The following CNIH3 variants were observed in gnomAD, a reference collection of about 807,000 sequenced individuals.
The protein encoded by CNIH3 is cornichon family AMPA receptor auxiliary protein 3.
CNIH3 carries 14 observed loss-of-function variants against 24.1 expected under a neutral mutation model. That is an observed-to-expected ratio of 0.58 (90% CI 0.38 to 0.91). The LOEUF (loss-of-function observed/expected upper bound fraction) is 0.91. Among genes scored for constraint, CNIH3 ranks in the 40% least tolerant of loss-of-function variants. The probability of loss-of-function intolerance (pLI) is 0.00; values close to 1 mark genes in which losing one functional copy is unlikely to be tolerated. For synonymous variants in CNIH3, 68 were observed against 73.8 expected (o/e 0.92, Z 0.40); for missense variants, 178 against 196.8 (o/e 0.90, Z 0.57).
chr1:224,578,569 T>C (rs190013856), intron 4 of CNIH3, among the ~76,000 whole-genome samples: 8 of 152,316 alleles, frequency 5.3e-5, no homozygotes, highest in African/African-American at 1.4e-4. Flanking sequence ...TGACTGGTAC[T>C]ATTATTTGGT....
intron 2 of CNIH3, among the ~76,000 whole-genome samples, chr1:224,544,067 G>T (rs550537388): frequency 1.5e-4 from 23 of 152,308 alleles, no homozygotes; most frequent in African/African-American, 4.8e-4. Context: ...GCTGTTAAGA[G>T]ATAAGAGGTT....
rs148990083 is a variant in CNIH3 at position 224,597,087 on chromosome 1, G to A, written n.402+30823G>A. 1.0e-3 allele frequency among the ~76,000 whole-genome samples: 154 copies of A among 152,200 alleles called. 1 individual carries two copies. The highest frequency in any genetic ancestry group is 3.6e-3 in the African/African-American group (151 of 41,538). ...GAATTTCTTGAACCCGAGAGGTGCA[G>A]GTTGCAGTGAGCCGAGACTGCACCA... On this transcript the variant is annotated intron_variant and non_coding_transcript_variant, in intron 3 of 7. Transcript: ENST00000478120.
intron 3 of CNIH3, chr1:224,565,552 G>C (rs563065488): frequency 2.0e-5 from 3 of 152,482 alleles, no homozygotes; most frequent in Admixed American, 2.0e-4. Context: ...CCCCATGCTT[G>C]CTCCCTGAGC....
At chr1:224,653,156 C>T (rs1190231228) in intron 1 of CNIH3, among the ~76,000 whole-genome samples, 1 of 152,214 alleles carries the variant, frequency 6.6e-6, no homozygotes, top group Non-Finnish European at 1.5e-5. Flanking sequence ...ACTGTAGTGG[C>T]TCATGCCTGT....
chr1:224,572,723 G>A (rs536014236), intron 4 of CNIH3, among the ~76,000 whole-genome samples: 4 of 151,002 alleles, frequency 2.6e-5, no homozygotes, highest in Admixed American at 2.6e-4. Flanking sequence ...GGGTAGTCTT[G>A]TCATCTTAAC....
At chr1:224,465,106 A>T (rs1676101534) in intron 1 of CNIH3, among the ~76,000 whole-genome samples, 1 of 148,458 alleles carries the variant, frequency 6.7e-6, no homozygotes, top group Non-Finnish European at 1.5e-5. Flanking sequence ...GATAGTTAGA[A>T]TTATCTTTTT....
intron 3 of CNIH3, among the ~76,000 whole-genome samples, chr1:224,698,345 A>G (rs936512864): frequency 2.0e-5 from 3 of 152,256 alleles, no homozygotes; most frequent in African/African-American, 7.2e-5. Context: ...ATTATAGCAC[A>G]AGGAGGTAGG....
intron 3 of CNIH3, among the ~76,000 whole-genome samples, chr1:224,560,925 T>C (rs1359166892): frequency 2.0e-5 from 3 of 150,440 alleles, no homozygotes; most frequent in Non-Finnish European, 4.4e-5. Context: ...ATTTTAACCA[T>C]TCAGGTGTCT....
chr1:224,613,952 C>G (rs1481780738), upstream of CNIH3, among the ~76,000 whole-genome samples: 1 of 151,632 alleles, frequency 6.6e-6, no homozygotes, highest in Non-Finnish European at 1.5e-5. Flanking sequence ...GAACACAGCT[C>G]ACTGCACCCT....
At position 224,666,152 on chromosome 1, in the gene CNIH3, A is replaced by G. The variant is rs558248422; in HGVS notation, c.82-14806A>G. Among the ~76,000 whole-genome samples the G allele has an allele frequency of 1.4e-3, 219 of 152,292 alleles. 4 individuals are homozygous for G. Among genetic ancestry groups the G allele is most frequent in the Admixed American group, 0.014 (217 of 15,300 alleles). On this transcript the variant is annotated intron_variant, in intron 1 of 5. Coordinates refer to ENST00000272133, the MANE Select transcript of CNIH3 (RefSeq NM_152495.2). ...ATAGGGGATAAAGGGATTGTTCAAA[A>G]TCACACAGTCAAAAGCCAAGCCAGA...
At chr1:224,497,038 A>G (rs1677466443) in intron 1 of CNIH3, among the ~76,000 whole-genome samples, 7 of 152,274 alleles carry the variant, frequency 4.6e-5, no homozygotes, top group Admixed American at 4.6e-4. Context: ...AATATTATGC[A>G]GCCATAAAAA....
intron 2 of CNIH3, among the ~76,000 whole-genome samples, chr1:224,544,528 G>C (rs940714676): frequency 6.6e-6 from 1 of 152,170 alleles, no homozygotes; most frequent in African/African-American, 2.4e-5. Context: ...GTTCAATTCA[G>C]GAAATTGGTA....
At chr1:224,677,860 A>G (rs1286528122) in intron 1 of CNIH3, among the ~76,000 whole-genome samples, 1 of 152,182 alleles carries the variant, frequency 6.6e-6, no homozygotes, top group South Asian at 2.1e-4. Context: ...TGGGGGGCCT[A>G]TATGTGGGGC....
chr1:224,687,621 C>A (rs1686724532), intron 3 of CNIH3, among the ~76,000 whole-genome samples: 1 of 152,180 alleles, frequency 6.6e-6, no homozygotes, highest in Non-Finnish European at 1.5e-5. Context: ...GTTATTAGTT[C>A]TTTTGTGTGC....
At chr1:224,568,116 C>T (rs769490210) in intron 4 of CNIH3, among the ~76,000 whole-genome samples, 3 of 152,056 alleles carry the variant, frequency 2.0e-5, no homozygotes, top group Non-Finnish European at 4.4e-5. Context: ...ATGGTAAAAC[C>T]CCGTCTTTAC....
chr1:224,540,592 T>C (rs1679475044), downstream of CNIH3, among the ~76,000 whole-genome samples: 1 of 152,224 alleles, frequency 6.6e-6, no homozygotes, highest in Non-Finnish European at 1.5e-5. Context: ...GCTTTGAAGA[T>C]AATTTAAGAA....
At position 224,714,181 on chromosome 1, in the gene CNIH3, A is replaced by G. The variant is rs559683271; in HGVS notation, c.199-16281A>G. On this transcript the variant is annotated intron_variant, in intron 3 of 5. Coordinates refer to ENST00000272133, the MANE Select transcript of CNIH3 (RefSeq NM_152495.2). ...ATTGGCTATCTTTTAAGCAGCCTCT[A>G]CAAGGCCTGCGCTCCCTGAAATTAA... is the stretch of plus-strand genomic sequence containing the variant. 3.9e-5 allele frequency among the ~76,000 whole-genome samples: 6 copies of G among 152,350 alleles called. No individual in the cohort carries two copies. In the East Asian group the frequency reaches 7.7e-4, roughly 20 times the overall value.
At position 224,557,319 on chromosome 1, in the gene CNIH3, A is replaced by G. The variant is rs565774679; in HGVS notation, n.451-8880A>G. ...CACCTCAGCCTTCCAAAGTGCTAGG[A>G]TTACAGGTGTGAGCCACTGCACCCA... is the stretch of plus-strand genomic sequence containing the variant. On this transcript the variant is annotated intron_variant and non_coding_transcript_variant, in intron 3 of 5. Transcript: ENST00000471578. Among the ~76,000 whole-genome samples the G allele has an allele frequency of 2.0e-5, 3 of 152,184 alleles. No individual in the cohort carries two copies. The South Asian group carries it at 6.2e-4, about 32-fold the overall frequency.
chr1:224,462,494 T>A (rs1207141023), intron 1 of CNIH3, among the ~76,000 whole-genome samples: 1 of 151,848 alleles, frequency 6.6e-6, no homozygotes, highest in Non-Finnish European at 1.5e-5. Flanking sequence ...CCACCACGCC[T>A]GGCTAATTTT....
Sources: gnomAD v4.1 joint callset for allele counts (sites outside exome capture counted in the v4.1 genomes callset) on GRCh38, gnomAD v4.1.1 for gene constraint, MANE v1.5 for transcripts, NCBI Gene and HGNC (gene_info 2026-07-23, HGNC 2026-07-21) for gene names.